Variants in PTPRD observed in about 807,000 individuals in gnomAD.
The protein encoded by PTPRD is protein tyrosine phosphatase receptor type D, also known as receptor-type tyrosine-protein phosphatase delta.
In PTPRD, 34 loss-of-function variants were observed where a neutral mutation model predicts 214.5. That is an observed-to-expected ratio of 0.16 (90% CI 0.12 to 0.21). The LOEUF is 0.21. PTPRD is among the 10% of genes least tolerant of loss of function. The pLI, the probability that PTPRD is intolerant of heterozygous loss-of-function variation, is 1.00. For missense variants in PTPRD, 2,545 were observed against 2,398.7 expected (o/e 1.06, Z -1.27); for synonymous variants, 1,128 against 845.7 (o/e 1.33, Z -5.79).
chr9:9,684,493 A>G (rs975550720), intron 7 of PTPRD, among the ~76,000 whole-genome samples: 1 of 151,658 alleles, frequency 6.6e-6, no homozygotes, highest in Non-Finnish European at 1.5e-5. Flanking sequence ...ACTCAATGCA[A>G]TTCAAAGAAA....
At chr9:9,879,987 G>A (rs1436498785) in intron 5 of PTPRD, among the ~76,000 whole-genome samples, 5 of 152,080 alleles carry the variant, frequency 3.3e-5, no homozygotes, top group African/African-American at 1.2e-4. Flanking sequence ...GGTGTGATAT[G>A]GCTTGCCTCT....
intron 3 of PTPRD, among the ~76,000 whole-genome samples, chr9:10,064,340 G>T (rs1242703788): frequency 6.6e-6 from 1 of 151,792 alleles, no homozygotes. Context: ...TGCTAAATTT[G>T]AATAATAGAT....
At chr9:9,690,912 T>C (rs964797247) in intron 7 of PTPRD, among the ~76,000 whole-genome samples, 1 of 151,940 alleles carries the variant, frequency 6.6e-6, no homozygotes, top group African/African-American at 2.4e-5. Context: ...CTTTAGTTTG[T>C]TCTTGTTGCT....
At position 10,031,647 on chromosome 9, in the gene PTPRD, T is replaced by TATATATATATATATACACAC; in HGVS notation, c.-472+2070_-472+2071insGTGTGTATATATATATATAT. On this transcript the variant is annotated intron_variant, in intron 4 of 45. Transcript: ENST00000381196. Reference sequence around the variant, plus strand: ...CTCCATATATATATATATATATATATACACACACACACACACACATACACA... The same window carrying TATATATATATATATACACAC: ...CTCCATATATATATATATATATATATATATATATATATATACACACACACACACACACACACACATACACA... 3.2e-4 allele frequency among the ~76,000 whole-genome samples: 29 copies of TATATATATATATATACACAC among 89,628 alleles called. 2 individuals carry two copies. The highest frequency in any genetic ancestry group is 1.9e-3 in the African/African-American group (24 of 12,356). The allele number at this position is 89,628 out of a possible 152,430, so 58.8% of individuals were successfully genotyped here.
At chr9:8,804,382 G>A (rs1566194278) in intron 11 of PTPRD, among the ~76,000 whole-genome samples, 1 of 151,858 alleles carries the variant, frequency 6.6e-6, no homozygotes, top group African/African-American at 2.4e-5. Context: ...AGGATCACTA[G>A]AACCCACAAA....
intron 11 of PTPRD, among the ~76,000 whole-genome samples, chr9:8,902,753 G>A (rs892869450): frequency 6.6e-6 from 1 of 152,076 alleles, no homozygotes; most frequent in Non-Finnish European, 1.5e-5. Context: ...ATAAGCCTTG[G>A]CAAATCTGTC....
intron 8 of PTPRD, among the ~76,000 whole-genome samples, chr9:9,556,978 T>A (rs2081677730): frequency 6.6e-6 from 1 of 152,170 alleles, no homozygotes; most frequent in South Asian, 2.1e-4. Flanking sequence ...TGTTACTCTA[T>A]CACTTTAGGG....
chr9:10,606,734 A>C (rs560849233), intron 2 of PTPRD, among the ~76,000 whole-genome samples: 3 of 151,978 alleles, frequency 2.0e-5, no homozygotes, highest in Admixed American at 6.6e-5. Context: ...GGGTAGTAGT[A>C]AAAAATGCAT....
chr9:10,589,626 G>A (rs902174272), intron 2 of PTPRD, among the ~76,000 whole-genome samples: 1 of 152,024 alleles, frequency 6.6e-6, no homozygotes. Context: ...GGACTCCAGT[G>A]CCTCAACTAT....
chr9:10,286,575 C>T (rs914755630), intron 3 of PTPRD, among the ~76,000 whole-genome samples: 1 of 152,094 alleles, frequency 6.6e-6, no homozygotes, highest in African/African-American at 2.4e-5. Context: ...TTTATATACT[C>T]AAACTACTAT....
chr9:9,591,373 G>C (rs2092711429), intron 7 of PTPRD, among the ~76,000 whole-genome samples: 1 of 151,968 alleles, frequency 6.6e-6, no homozygotes, highest in Non-Finnish European at 1.5e-5. Flanking sequence ...AAGTGATTAA[G>C]GCCAGCAAAC....
At position 8,690,924 on chromosome 9, in the gene PTPRD, T is replaced by G. The variant is rs10119900; in HGVS notation, c.64+42856A>C. 5.9e-3 allele frequency among the ~76,000 whole-genome samples: 898 copies of G among 152,220 alleles called. 12 individuals carry two copies. Among genetic ancestry groups the G allele is most frequent in the African/African-American group, 0.021 (859 of 41,538 alleles). ...ATATTAAGCAGACTTAATAATTAAG[T>G]GGAAAAATGGATTTGACTGGGGCAT... On this transcript the variant is annotated intron_variant, in intron 12 of 45. Transcript: ENST00000381196.
In PTPRD at chr9:9,468,967, C is replaced by G. The variant is rs139672393; in HGVS notation, c.-236-71485G>C. On this transcript the variant is annotated intron_variant, in intron 8 of 45. Transcript: ENST00000381196. Reference sequence around the variant, plus strand: ...GTTACATCAAAATCTCACAGGGAAACTGTACCATTCAATCCTTCATCAAAT... The same window carrying G: ...GTTACATCAAAATCTCACAGGGAAAGTGTACCATTCAATCCTTCATCAAAT... 6.0e-3 allele frequency among the ~76,000 whole-genome samples: 908 copies of G among 152,168 alleles called. 3 individuals carry two copies. The highest frequency in any genetic ancestry group is 8.1e-3 in the Non-Finnish European group (548 of 67,988).
intron 10 of PTPRD, among the ~76,000 whole-genome samples, chr9:9,105,434 G>T (rs2099797155): frequency 6.6e-6 from 1 of 152,122 alleles, no homozygotes; most frequent in Admixed American, 6.6e-5. Context: ...GATAAAAATT[G>T]AGAAAATGCA....
At chr9:9,647,375 GT>G (rs56103204) in intron 7 of PTPRD, among the ~76,000 whole-genome samples, 4 of 151,832 alleles carry the variant, frequency 2.6e-5, no homozygotes, top group Non-Finnish European at 4.4e-5. Context: ...AGGATAATTT[GT>G]TTTTTTATGC....
intron 5 of PTPRD, among the ~76,000 whole-genome samples, chr9:9,865,430 T>C (rs995187090): frequency 2.6e-5 from 4 of 152,142 alleles, no homozygotes; most frequent in Admixed American, 1.3e-4. Context: ...GACAGAAGCC[T>C]TTGCTAACAT....
At chr9:9,835,084 A>C (rs916154896) in intron 5 of PTPRD, among the ~76,000 whole-genome samples, 1 of 152,072 alleles carries the variant, frequency 6.6e-6, no homozygotes, top group African/African-American at 2.4e-5. Context: ...CTTTTCTACT[A>C]TTTGATGGCA....
chr9:9,250,940 G>C lies in PTPRD; in HGVS notation c.-202-67577C>G, dbSNP rs566136689. 1.1e-4 allele frequency among the ~76,000 whole-genome samples: 16 copies of C among 152,126 alleles called. No homozygotes were observed. The South Asian group carries it at 3.3e-3, about 32-fold the overall frequency. On this transcript the variant is annotated intron_variant, in intron 9 of 45. Coordinates refer to ENST00000381196, the MANE Select transcript of PTPRD (RefSeq NM_002839.4). Reference sequence around the variant, plus strand: ...GATGCAAATTCAGCAAGGGAGAAGAGAAAAATGTTCAGCTTTCCTGATCAG... The same window carrying C: ...GATGCAAATTCAGCAAGGGAGAAGACAAAAATGTTCAGCTTTCCTGATCAG...
intron 14 of PTPRD, among the ~76,000 whole-genome samples, chr9:8,603,615 C>T (rs1468236068): frequency 2.6e-5 from 4 of 151,980 alleles, no homozygotes; most frequent in African/African-American, 9.7e-5. Flanking sequence ...AGAAGTCACC[C>T]GAATTCAGCA....
Sources: gnomAD v4.1 joint callset for allele counts (sites outside exome capture counted in the v4.1 genomes callset) on GRCh38, gnomAD v4.1.1 for gene constraint, MANE v1.5 for transcripts, NCBI Gene and HGNC (gene_info 2026-07-23, HGNC 2026-07-21) for gene names.